Variants in SPPL3 observed in about 807,000 individuals in gnomAD.
SPPL3 encodes signal peptide peptidase like 3, also known as signal peptide peptidase-like 3.
SPPL3 carries 5 observed loss-of-function variants against 42.4 expected under a neutral mutation model. The ratio of observed to expected loss-of-function variants is 0.12; its 90% CI spans 0.06 to 0.25. The LOEUF (loss-of-function observed/expected upper bound fraction) is 0.25. Among genes scored for constraint, SPPL3 ranks in the 10% least tolerant of loss-of-function variants. The pLI, the probability that SPPL3 is intolerant of heterozygous loss-of-function variation, is 1.00. For synonymous variants in SPPL3, 195 were observed against 181.8 expected (o/e 1.07, Z -0.58); for missense variants, 235 against 489.0 (o/e 0.48, Z 4.90).
rs149126444 is a variant in SPPL3, at chr12:120,897,655, G to A, written c.23+6190C>T. ...GGAGAATGGCGTGAACCCGGAAGGC[G>A]GAGGTTGCAGTGAGCCGAGATCGCA... On this transcript the variant is annotated intron_variant, in intron 1 of 10. Transcript: ENST00000353487. Among the ~76,000 whole-genome samples, 1,350 of 152,212 alleles carry A rather than the reference G, an allele frequency of 8.9e-3. 17 individuals are homozygous for A. Among genetic ancestry groups the A allele is most frequent in the African/African-American group, 0.031 (1,281 of 41,522 alleles).
intron 2 of SPPL3, among the ~76,000 whole-genome samples, chr12:120,806,853 A>AAAG (rs1555249182): frequency 2.2e-3 from 321 of 145,902 alleles, no homozygotes; most frequent in East Asian, 8.1e-3. Flanking sequence ...TTAAAAAAAA[A>AAAG]AAAGAAAGAA....
At chr12:120,771,330 C>T (rs1869113787) in intron 6 of SPPL3, among the ~76,000 whole-genome samples, 3 of 152,288 alleles carry the variant, frequency 2.0e-5, no homozygotes, top group Middle Eastern at 3.4e-3. Context: ...CCCCCCATGC[C>T]GCCGCTTCGG....
intron 1 of SPPL3, among the ~76,000 whole-genome samples, chr12:120,811,802 C>G (rs1870690537): frequency 6.6e-6 from 1 of 151,918 alleles, no homozygotes; most frequent in Non-Finnish European, 1.5e-5. Context: ...TTGGTCTCTG[C>G]CTAAATGTCT....
Position 120,821,113 on chromosome 12 carries a change from T to C in SPPL3, c.24-10227A>G, listed in dbSNP as rs561219820. 6.5e-4 allele frequency among the ~76,000 whole-genome samples: 99 copies of C among 152,352 alleles called. No individual in the cohort carries two copies. In the South Asian group the frequency reaches 0.019, roughly 29 times the overall value. On this transcript the variant is annotated intron_variant, in intron 1 of 10. Coordinates refer to ENST00000353487, the MANE Select transcript of SPPL3 (RefSeq NM_139015.5). ...TTCATATGAAAGAAAGGTATTAGTC[T>C]TCAAGGCAGTAAAGATGATCTGGAG...
At chr12:120,807,095 G>T (rs1870522350) in intron 2 of SPPL3, among the ~76,000 whole-genome samples, 1 of 152,082 alleles carries the variant, frequency 6.6e-6, no homozygotes, top group South Asian at 2.1e-4. Flanking sequence ...ATGACTGAGA[G>T]AGAATTTTTG....
chr12:120,869,341 C>A (rs1274941487), intron 1 of SPPL3, among the ~76,000 whole-genome samples: 4 of 152,152 alleles, frequency 2.6e-5, no homozygotes, highest in Non-Finnish European at 5.9e-5. Context: ...CACAACAGTG[C>A]CATTCATAGA....
chr12:120,766,120 A>C, intron 10 of SPPL3, 143 bp downstream of exon 10: 1 of 508,418 alleles, frequency 2.0e-6, no homozygotes, highest in Non-Finnish European at 3.3e-6. Context: ...ACACACACAC[A>C]CACACACACA....
intron 1 of SPPL3, among the ~76,000 whole-genome samples, chr12:120,867,667 T>C (rs1356324695): frequency 6.6e-6 from 1 of 151,218 alleles, no homozygotes; most frequent in Non-Finnish European, 1.5e-5. Flanking sequence ...AATGTATATA[T>C]ATATATACAT....
At position 120,784,987 on chromosome 12, in the gene SPPL3, C is replaced by T. The variant is rs1329146959; in HGVS notation, c.191-394G>A. Among the ~76,000 whole-genome samples, 5 of 152,176 alleles carry T rather than the reference C, an allele frequency of 3.3e-5. No individual in the cohort carries two copies. In the East Asian group the frequency reaches 9.6e-4, roughly 29 times the overall value. The stretch of plus-strand genomic sequence containing the variant: ...AAACCCATTGACTAAAAGGACTTCT[C>T]ATCACCTGTGGGTTTAAGGTACTCA... On this transcript the variant is annotated intron_variant, in intron 3 of 10. Coordinates refer to ENST00000353487, the MANE Select transcript of SPPL3 (RefSeq NM_139015.5).
intron 1 of SPPL3, among the ~76,000 whole-genome samples, chr12:120,838,184 A>G (rs930646723): frequency 6.6e-6 from 1 of 152,260 alleles, no homozygotes; most frequent in African/African-American, 2.4e-5. Flanking sequence ...CTAGAAAAAG[A>G]AATGGTCTCC....
At chr12:120,794,959 C>T (rs900301396) in intron 2 of SPPL3, among the ~76,000 whole-genome samples, 1 of 152,132 alleles carries the variant, frequency 6.6e-6, no homozygotes, top group Non-Finnish European at 1.5e-5. Flanking sequence ...GTCTACCTTC[C>T]AGTTATATTG....
Position 120,791,479 on chromosome 12 carries a change from G to C in SPPL3, c.180C>G (p.Ser60Arg). 6.2e-7 allele frequency: 1 copy of C among 1,602,112 alleles called. No homozygotes were observed. The highest frequency in any genetic ancestry group is 1.1e-5 in the South Asian group (1 of 88,582). The change falls in exon 3 of 11, where the codon AGC becomes AGG. Residue 60 changes from serine to arginine, a missense_variant. Physicochemically the swap from Ser to Arg is moderately radical, Grantham distance 110 (BLOSUM62 -1). This residue lies in a region of SPPL3 where 110 missense variants were observed against 186.2 expected (regional missense o/e 0.59). Coordinates refer to ENST00000353487, the MANE Select transcript of SPPL3 (RefSeq NM_139015.5). ...NSSSGSFNGN[S>R]TNNSIQTIDS... ...CATAAAATATCTTACTATTATTGGT[G>C]CTGTTGCCATTGAAAGACCCAGAAG...
intron 1 of SPPL3, among the ~76,000 whole-genome samples, chr12:120,830,014 A>T: frequency 6.7e-6 from 1 of 149,508 alleles, no homozygotes; most frequent in Non-Finnish European, 1.5e-5. Flanking sequence ...AAAAAAGAAG[A>T]GTAAATTTCA....
At chr12:120,791,410 G>C (rs186980151) in intron 3 of SPPL3, 59 bp downstream of exon 3, 5 of 1,268,038 alleles carry the variant, frequency 3.9e-6, no homozygotes, top group African/African-American at 1.5e-5. Context: ...TGGAGGTATA[G>C]AAACAGCCAA....
chr12:120,856,595 C>T (rs969920329), intron 1 of SPPL3, among the ~76,000 whole-genome samples: 13 of 138,524 alleles, frequency 9.4e-5, no homozygotes, highest in African/African-American at 3.3e-4. Context: ...GATTCTGGAA[C>T]GACGGCAGCA....
At chr12:120,858,239 A>C (rs1872520751) in intron 1 of SPPL3, among the ~76,000 whole-genome samples, 1 of 152,168 alleles carries the variant, frequency 6.6e-6, no homozygotes, top group African/African-American at 2.4e-5. Context: ...GTACTTTGGG[A>C]GGCCGAGGTG....
chr12:120,864,735 G>A (rs1043907212), intron 1 of SPPL3, among the ~76,000 whole-genome samples: 22 of 152,296 alleles, frequency 1.4e-4, no homozygotes, highest in African/African-American at 5.3e-4. Context: ...CAACCCTACA[G>A]GTGCTTTTCC....
chr12:120,800,451 T>C (rs975438812), intron 2 of SPPL3, among the ~76,000 whole-genome samples: 5 of 152,014 alleles, frequency 3.3e-5, no homozygotes, highest in Admixed American at 3.3e-4. Context: ...TGCAGTGAAC[T>C]GAGATCACAC....
chr12:120,772,354 C>T (rs963288317), intron 6 of SPPL3, among the ~76,000 whole-genome samples: 2 of 152,118 alleles, frequency 1.3e-5, no homozygotes, highest in Non-Finnish European at 2.9e-5. Flanking sequence ...TGCCATAGAA[C>T]GTTGAATGTC....
Sources: gnomAD v4.1 joint callset for allele counts (sites outside exome capture counted in the v4.1 genomes callset) on GRCh38, gnomAD v4.1.1 for gene constraint, gnomAD v4.1.1 regional missense constraint, MANE v1.5 for transcripts, NCBI Gene and HGNC (gene_info 2026-07-23, HGNC 2026-07-21) for gene names.